CCT6B: variants seen among roughly 807,000 people sequenced by gnomAD.
The protein encoded by CCT6B is probable T-complex protein 1 subunit zeta-2.
Under a neutral mutation model 61.5 loss-of-function variants are expected in CCT6B, and 49 were observed. That is an observed-to-expected ratio of 0.80 (90% CI 0.63 to 1.01). CCT6B has a LOEUF of 1.01. CCT6B is among the 50% of genes least tolerant of loss of function. The probability of loss-of-function intolerance (pLI) is 0.00; values close to 1 mark genes in which losing one functional copy is unlikely to be tolerated. For missense variants in CCT6B, 666 were observed against 634.7 expected (o/e 1.05, Z -0.53); for synonymous variants, 228 against 214.5 (o/e 1.06, Z -0.55).
chr17:34,959,486 G>A, intron 2 of CCT6B, 101 bp downstream of exon 2: 2 of 855,130 alleles, frequency 2.3e-6, no homozygotes, highest in Non-Finnish European at 3.9e-6. Context: ...TCTCAAGACT[G>A]CAGTATTTAG....
Position 34,959,602 on chromosome 17 carries a change from C to T in CCT6B, c.186G>A (p.Val62=), listed in dbSNP as rs17852354. ...GDIKLTKDGN[V]LLDEMQIQHP... ...ATCAGCTCACCATCTCATCGAGCAGCACATTGCCATCTTTGGTGAGTTTGA... is the reference window on the plus strand; with the variant it reads ...ATCAGCTCACCATCTCATCGAGCAGTACATTGCCATCTTTGGTGAGTTTGA... The change falls in exon 2 of 14, where the codon GTG becomes GTA. Residue 62 remains valine (V), a synonymous_variant. Coordinates refer to ENST00000314144, the MANE Select transcript of CCT6B (RefSeq NM_006584.4). 64,483 of 1,610,622 alleles carry T rather than the reference C, an allele frequency of 0.04. 1,468 individuals are homozygous for T. Among genetic ancestry groups the T allele is most frequent in the Non-Finnish European group, 0.047 (55,144 of 1,176,954 alleles).
intron 5 of CCT6B, 146 bp from the exon 6 acceptor site, chr17:34,943,052 T>G: frequency 1.7e-6 from 1 of 591,390 alleles, no homozygotes. Flanking sequence ...GGTGTTTTTG[T>G]TTTTTGTTTT....
Position 34,958,693 on chromosome 17 carries a change from T to G in CCT6B, c.203A>C (p.Gln68Pro), listed in dbSNP as rs773812943. ...KDGNVLLDEM[Q>P]IQHPTASLIA... ...CAAGGAAGCTGTTGGATGTTGAATT[T>G]GCTGGAAAAAGCAAGCAACAGATTT... The change falls in exon 3 of 14, where the codon CAA (glutamine) becomes CCA (proline). Residue 68 changes from glutamine (Q) to proline (P), a missense_variant and splice_region_variant. Gln to Pro is a moderately conservative substitution (Grantham distance 76). Coordinates refer to ENST00000314144, the MANE Select transcript of CCT6B (RefSeq NM_006584.4). 9 of 1,591,286 alleles carry G rather than the reference T, an allele frequency of 5.7e-6. No individual in the cohort carries two copies. Among genetic ancestry groups the G allele is most frequent in the Admixed American group, 5.3e-5 (3 of 56,518 alleles).
At chr17:34,930,541 C>A (rs887377935) in intron 12 of CCT6B, among the ~76,000 whole-genome samples, 1 of 152,134 alleles carries the variant, frequency 6.6e-6, no homozygotes, top group Non-Finnish European at 1.5e-5. Flanking sequence ...TGATGCCTAC[C>A]CTGACCAACC....
At chr17:34,936,802 T>A (rs2090099634) in intron 10 of CCT6B, among the ~76,000 whole-genome samples, 1 of 151,982 alleles carries the variant, frequency 6.6e-6, no homozygotes, top group Non-Finnish European at 1.5e-5. Context: ...TATTCATGAG[T>A]TAGAAGGCTC....
intron 10 of CCT6B, 74 bp downstream of exon 10, chr17:34,939,109 G>C: frequency 8.7e-7 from 1 of 1,147,972 alleles, no homozygotes; most frequent in South Asian, 1.5e-5. Context: ...ACATACATAG[G>C]TGTGTGTGTA....
At chr17:34,959,736 T>C (rs1437899798) in intron 1 of CCT6B, 86 bp from the exon 2 acceptor site, 4 of 916,006 alleles carry the variant, frequency 4.4e-6, no homozygotes, top group South Asian at 1.4e-5. Context: ...TAGAGGGAAC[T>C]GGGCTCGGAA....
chr17:34,942,929 T>C (rs1441803575), intron 5 of CCT6B, 23 bp from the exon 6 acceptor site: 1 of 1,306,234 alleles, frequency 7.7e-7, no homozygotes, highest in Non-Finnish European at 1.1e-6. Flanking sequence ...TTAATGTTTC[T>C]TACTTTGAAT....
chr17:34,950,699 G>A (rs1008923666), intron 5 of CCT6B, among the ~76,000 whole-genome samples: 1 of 152,168 alleles, frequency 6.6e-6, no homozygotes, highest in South Asian at 2.1e-4. Context: ...GGAAGGCCGA[G>A]GCGGGTGGAT....
chr17:34,954,241 A>C (rs1476166250), intron 4 of CCT6B, among the ~76,000 whole-genome samples, 185 bp downstream of exon 4: 1 of 152,216 alleles, frequency 6.6e-6, no homozygotes, highest in Non-Finnish European at 1.5e-5. Context: ...GATACTTCTG[A>C]AAATTACAAA....
chr17:34,956,058 C>T (rs933398938), intron 3 of CCT6B, among the ~76,000 whole-genome samples: 46 of 152,154 alleles, frequency 3.0e-4, no homozygotes, highest in African/African-American at 1.1e-3. Flanking sequence ...ACTTAAAATG[C>T]CAACCTGACC....
Position 34,939,721 on chromosome 17 carries a change from T to C in CCT6B, c.969-8A>G. 1 of 1,550,378 alleles carries C rather than the reference T, an allele frequency of 6.5e-7. No homozygotes were observed. The highest frequency in any genetic ancestry group is 1.1e-5 in the South Asian group (1 of 89,764). On this transcript the variant is annotated splice_polypyrimidine_tract_variant and splice_region_variant and intron_variant, in intron 8 of 13. Transcript: ENST00000314144. ...CCACAAGCAAGAGAGAGTCTGAAAT[T>C]ACATATATGTCACCATAGCTTGATT...
chr17:34,951,417 T>G (rs1020878469), intron 5 of CCT6B, among the ~76,000 whole-genome samples: 1 of 152,202 alleles, frequency 6.6e-6, no homozygotes, highest in Non-Finnish European at 1.5e-5. Flanking sequence ...TAGCTAACAG[T>G]TATGTGGAAA....
At chr17:34,932,056 C>T (rs2090041510) in intron 11 of CCT6B, among the ~76,000 whole-genome samples, 1 of 152,092 alleles carries the variant, frequency 6.6e-6, no homozygotes, top group African/African-American at 2.4e-5. Flanking sequence ...ATTTTAAATT[C>T]TAAACTTTTT....
At chr17:34,929,411 C>T (rs906342568) in intron 12 of CCT6B, among the ~76,000 whole-genome samples, 7 of 151,924 alleles carry the variant, frequency 4.6e-5, no homozygotes, top group Middle Eastern at 3.2e-3. Context: ...TAGGTGATCT[C>T]ATCCAGACTT....
intron 4 of CCT6B, among the ~76,000 whole-genome samples, chr17:34,952,914 G>A (rs911390856): frequency 6.6e-5 from 10 of 152,114 alleles, no homozygotes; most frequent in African/African-American, 2.4e-4. Flanking sequence ...CTCTAAAACA[G>A]AATGGGTGCC....
chr17:34,941,267 A>T (rs1316659418), intron 7 of CCT6B, among the ~76,000 whole-genome samples: 4 of 152,214 alleles, frequency 2.6e-5, no homozygotes, highest in African/African-American at 9.6e-5. Flanking sequence ...TTTTATAAAA[A>T]TCATGCATTT....
In CCT6B at chr17:34,929,028, G is replaced by T; in HGVS notation, c.1457C>A (p.Pro486Gln). The change falls in exon 13 of 14, where the codon CCA becomes CAA. Residue 486 changes from proline (P) to glutamine (Q), a missense_variant. Coordinates refer to ENST00000314144, the MANE Select transcript of CCT6B (RefSeq NM_006584.4). ...AACTCCTGCATCTGCTGCTACCATTGGCTCACCTGAAAAGTAAAAACAATT... is the reference window on the plus strand; with the variant it reads ...AACTCCTGCATCTGCTGCTACCATTTGCTCACCTGAAAAGTAAAAACAATT... ...LVGVDLNTGE[P>Q]MVAADAGVWD... is the part of the protein sequence containing the mutation. 1 of 1,602,654 alleles carries T rather than the reference G, an allele frequency of 6.2e-7. No homozygotes were observed. Among genetic ancestry groups the T allele is most frequent in the Non-Finnish European group, 8.5e-7 (1 of 1,171,756 alleles).
intron 5 of CCT6B, among the ~76,000 whole-genome samples, chr17:34,947,290 A>C (rs1045568282): frequency 6.6e-6 from 1 of 152,224 alleles, no homozygotes; most frequent in Non-Finnish European, 1.5e-5. Flanking sequence ...GATAAACGAT[A>C]GCACTCAAAA....
Sources: allele counts gnomAD v4.1 joint callset (sites outside exome capture counted in the v4.1 genomes callset), GRCh38; gene constraint gnomAD v4.1.1; transcripts MANE v1.5; gene names NCBI Gene and HGNC (gene_info 2026-07-23, HGNC 2026-07-21).